The following HDGFL3 variants were observed in gnomAD, a reference collection of about 807,000 sequenced individuals.
HDGFL3 encodes the protein hepatoma-derived growth factor-related protein 3.
Under a neutral mutation model 27.6 loss-of-function variants are expected in HDGFL3, and 6 were observed. The observed-to-expected ratio is 0.22, with a 90% CI of 0.12 to 0.43. The LOEUF (loss-of-function observed/expected upper bound fraction) is 0.43. Among genes scored for constraint, HDGFL3 ranks in the 20% least tolerant of loss-of-function variants. The pLI is 1.00. For synonymous variants in HDGFL3, 88 were observed against 88.9 expected (o/e 0.99, Z 0.05); for missense variants, 207 against 250.1 (o/e 0.83, Z 1.16).
At chr15:83,126,602 A>C (rs886891947), downstream of HDGFL3, among the ~76,000 whole-genome samples, 3 of 152,214 alleles carry the variant, frequency 2.0e-5, no homozygotes, top group African/African-American at 7.2e-5. Flanking sequence ...ACAAATCTGC[A>C]AAATATTTCC....
At position 83,189,708 on chromosome 15, in the gene HDGFL3, C is replaced by T. The variant is rs2037488168; in HGVS notation, c.84+17623G>A. On this transcript the variant is annotated intron_variant, in intron 1 of 5. Coordinates refer to ENST00000299633, the MANE Select transcript of HDGFL3 (RefSeq NM_016073.4). ...GTGTCCTTCTTGTTCACTGTTAAAT[C>T]CCTGGCACTCAGAACAGTAATCTGG... Among the ~76,000 whole-genome samples the T allele has an allele frequency of 2.6e-5, 4 of 152,132 alleles. No individual in the cohort carries two copies. In the South Asian group the frequency reaches 8.3e-4, roughly 31 times the overall value.
At chr15:83,146,049 T>C (rs2036887049) in intron 5 of HDGFL3, among the ~76,000 whole-genome samples, 2 of 151,658 alleles carry the variant, frequency 1.3e-5, no homozygotes, top group South Asian at 4.2e-4. Flanking sequence ...TACCTGTGAC[T>C]ACAAGTGTGC....
chr15:83,180,488 G>A (rs2037367282), intron 1 of HDGFL3, among the ~76,000 whole-genome samples: 1 of 151,972 alleles, frequency 6.6e-6, no homozygotes, highest in Admixed American at 6.6e-5. Flanking sequence ...TATAAAAATG[G>A]ATTTGGATAA....
chr15:83,195,744 C>T (rs768638646), intron 1 of HDGFL3, among the ~76,000 whole-genome samples: 3 of 151,826 alleles, frequency 2.0e-5, no homozygotes, highest in East Asian at 3.9e-4. Flanking sequence ...TGCTGAAAAC[C>T]AGGTTCTTAC....
rs779390147 is a variant in HDGFL3 at position 83,137,861 on chromosome 15, C to A, written c.*1409G>T. The A allele has an allele frequency of 1.3e-5, 2 of 151,960 alleles. No homozygotes were observed. Among genetic ancestry groups the A allele is most frequent in the Non-Finnish European group, 2.9e-5 (2 of 67,964 alleles). 9.4% of individuals were successfully genotyped at this position (151,960 alleles called of 1,614,324 possible). On this transcript the variant is annotated 3_prime_UTR_variant, in exon 6 of 6. Coordinates refer to ENST00000299633, the MANE Select transcript of HDGFL3 (RefSeq NM_016073.4). ...AAGAAAACCAAAAGAAAATGGGATACAAATCAATGCATGGATAATATCAAA... is the reference window on the plus strand; with the variant it reads ...AAGAAAACCAAAAGAAAATGGGATAAAAATCAATGCATGGATAATATCAAA...
intron 4 of HDGFL3, among the ~76,000 whole-genome samples, chr15:83,156,196 C>A (rs924400895): frequency 1.3e-5 from 2 of 152,156 alleles, no homozygotes; most frequent in African/African-American, 4.8e-5. Context: ...ATGCTACATT[C>A]CTTTCCCTCT....
At chr15:83,193,893 T>C (rs550577529) in intron 1 of HDGFL3, among the ~76,000 whole-genome samples, 5 of 152,314 alleles carry the variant, frequency 3.3e-5, no homozygotes, top group African/African-American at 1.2e-4. Flanking sequence ...CATGGGGCAG[T>C]ACCTGTGCTG....
In HDGFL3 at chr15:83,163,863, T is replaced by C. The variant is rs532186823; in HGVS notation, c.161+136A>G. 9.9e-5 allele frequency: 62 copies of C among 626,806 alleles called. 3 individuals are homozygous for C. In the South Asian group the frequency reaches 1.1e-3, roughly 11 times the overall value. The allele number at this position is 626,806 out of a possible 1,614,324, so 38.8% of individuals were successfully genotyped here. A position where few individuals can be genotyped will look rare whatever the true frequency, so the allele number is the denominator to read the frequency against. ...TGAAAACTATTTACATTAACAAAAA[T>C]ACATTATTAACTTTGGCAATTTTAT... On this transcript the variant is annotated intron_variant, in intron 2 of 5. Transcript: ENST00000299633.
Position 83,136,802 on chromosome 15 carries a change from A to G in HDGFL3, c.*2468T>C, listed in dbSNP as rs1312897689. The G allele has an allele frequency of 1.4e-6, 1 of 735,764 alleles. No individual in the cohort carries two copies. Among genetic ancestry groups the G allele is most frequent in the East Asian group, 2.8e-5 (1 of 36,044 alleles). 45.6% of individuals were successfully genotyped at this position (735,764 alleles called of 1,614,324 possible). On this transcript the variant is annotated 3_prime_UTR_variant, in exon 6 of 6. Transcript: ENST00000299633. ...TATGTACATTCTTGCTCTGCACTGT[A>G]TGTGTGAGCTATATGGTATTGTGTA...
chr15:83,165,816 A>G (rs2037164559), intron 1 of HDGFL3, among the ~76,000 whole-genome samples: 1 of 150,570 alleles, frequency 6.6e-6, no homozygotes, highest in African/African-American at 2.4e-5. Context: ...AAAAAAAAAA[A>G]AAAAAGAAAT....
intron 1 of HDGFL3, among the ~76,000 whole-genome samples, chr15:83,174,030 T>C (rs2037278792): frequency 6.6e-6 from 1 of 152,174 alleles, no homozygotes; most frequent in Non-Finnish European, 1.5e-5. Flanking sequence ...GGACTTTCAG[T>C]CTAGAAACTT....
At chr15:83,121,947 AT>A in intron 3 of HDGFL3, 1 of 1,610,596 alleles carries the variant, frequency 6.2e-7, no homozygotes, top group South Asian at 1.1e-5. Flanking sequence ...ATTGGCCTAT[AT>A]TGGGTTGGAT....
chr15:83,132,562 A>G lies in HDGFL3; in HGVS notation c.*6708T>C, dbSNP rs1406060807. The stretch of plus-strand genomic sequence containing the variant: ...AAGAGTTTACTGAAGTAAATTTATC[A>G]TTTTTTTTTTAACTTGAGACAGGGT... On this transcript the variant is annotated 3_prime_UTR_variant, in exon 6 of 6. Coordinates refer to ENST00000299633, the MANE Select transcript of HDGFL3 (RefSeq NM_016073.4). 1 of 138,144 alleles carries G rather than the reference A, an allele frequency of 7.2e-6. No homozygotes were observed. Among genetic ancestry groups the G allele is most frequent in the Non-Finnish European group, 1.6e-5 (1 of 63,616 alleles). 8.6% of individuals were successfully genotyped at this position (138,144 alleles called of 1,614,324 possible). A position where few individuals can be genotyped will look rare whatever the true frequency, so the allele number is the denominator to read the frequency against.
chr15:83,199,484 G>T lies in HDGFL3; in HGVS notation c.84+7847C>A, dbSNP rs565433517. Reference sequence around the variant, plus strand: ...CACTCTCATCTCGTATTTTGCAATAGAAACTGAGAAGTTATTACTATGTGA... The same window carrying T: ...CACTCTCATCTCGTATTTTGCAATATAAACTGAGAAGTTATTACTATGTGA... On this transcript the variant is annotated intron_variant, in intron 1 of 5. Coordinates refer to ENST00000299633, the MANE Select transcript of HDGFL3 (RefSeq NM_016073.4). 4.6e-5 allele frequency among the ~76,000 whole-genome samples: 7 copies of T among 152,162 alleles called. No homozygotes were observed. The East Asian group carries it at 1.4e-3, about 29-fold the overall frequency.
In HDGFL3 at chr15:83,207,788, A is replaced by C. The variant is rs2037744372; in HGVS notation, c.-374T>G. On this transcript the variant is annotated 5_prime_UTR_variant, in exon 1 of 6. Transcript: ENST00000299633. The surrounding 1 kb of genome is among the most constrained non-coding windows in gnomAD (Gnocchi z 4.8). ...CTCCCGGGCTCCCGGGCGCGGCGCG[A>C]GCGCCGGGCCTCGCGTCTGCTCCGA... is the stretch of plus-strand genomic sequence containing the variant. 6.7e-6 allele frequency: 1 copy of C among 149,138 alleles called. No individual in the cohort carries two copies. 9.2% of individuals were successfully genotyped at this position (149,138 alleles called of 1,614,324 possible). A position where few individuals can be genotyped will look rare whatever the true frequency, so the allele number is the denominator to read the frequency against.
chr15:83,147,973 AAC>A lies in HDGFL3; in HGVS notation c.606+3240_606+3241del, dbSNP rs146772925. Reference sequence around the variant, plus strand: ...CAATAAGAAAATGGGCAAAACCCAAAACACGCGCTGTACAGAAGAGAAAACAT... The same window carrying A: ...CAATAAGAAAATGGGCAAAACCCAAAACGCGCTGTACAGAAGAGAAAACAT... On this transcript the variant is annotated intron_variant, in intron 5 of 5. Transcript: ENST00000299633. Among the ~76,000 whole-genome samples the A allele has an allele frequency of 2.9e-3, 438 of 152,340 alleles. 4 individuals carry two copies. Among genetic ancestry groups the A allele is most frequent in the African/African-American group, 0.01 (416 of 41,588 alleles).
intron 1 of HDGFL3, among the ~76,000 whole-genome samples, chr15:83,204,076 G>C (rs1162196071): frequency 6.7e-6 from 1 of 149,682 alleles, no homozygotes. Context: ...CTGAACAATG[G>C]GGGAGAAGGA....
intron 1 of HDGFL3, chr15:83,186,167 TG>T (rs1331129550): frequency 2.0e-5 from 3 of 152,272 alleles, no homozygotes; most frequent in Non-Finnish European, 4.4e-5. Flanking sequence ...CGGCCATGCC[TG>T]GATTCCAGAA....
chr15:83,149,512 G>C (rs1192183823), intron 5 of HDGFL3, among the ~76,000 whole-genome samples: 1 of 152,150 alleles, frequency 6.6e-6, no homozygotes, highest in Non-Finnish European at 1.5e-5. Flanking sequence ...AGAACAGATT[G>C]GTAACCTGGA....
Sources: allele counts gnomAD v4.1 joint callset (sites outside exome capture counted in the v4.1 genomes callset), GRCh38; gene constraint gnomAD v4.1.1; non-coding constraint Gnocchi (gnomAD v3.1); transcripts MANE v1.5; gene names NCBI Gene and HGNC (gene_info 2026-07-23, HGNC 2026-07-21).